Variants in ANKHD1 observed in about 807,000 individuals in gnomAD.
The protein encoded by ANKHD1 is ankyrin repeat and KH domain containing 1.
A neutral mutation model predicts 230.5 loss-of-function variants in ANKHD1; 31 were observed. That is an observed-to-expected ratio of 0.13 (90% CI 0.10 to 0.18). The LOEUF (loss-of-function observed/expected upper bound fraction) is 0.18, where lower values mean the gene tolerates loss of function less well. Among genes scored for constraint, ANKHD1 ranks in the 10% least tolerant of loss-of-function variants. The pLI is 1.00. For synonymous variants in ANKHD1, 1,074 were observed against 1,117.6 expected (o/e 0.96, Z 0.78); for missense variants, 2,256 against 3,071.3 (o/e 0.73, Z 6.27).
At chr5:140,482,478 GTA>G in intron 10 of ANKHD1, 100 bp from the exon 11 acceptor site, 1 of 1,298,590 alleles carries the variant, frequency 7.7e-7, no homozygotes, top group Non-Finnish European at 1.1e-6. Flanking sequence ...CAATGAGTAA[GTA>G]TATTAAATCC....
chr5:140,431,451 A>G (rs966817102), intron 1 of ANKHD1, among the ~76,000 whole-genome samples: 1 of 152,234 alleles, frequency 6.6e-6, no homozygotes, highest in African/African-American at 2.4e-5. Context: ...ACAGGACAAA[A>G]GAATTGTAAT....
At chr5:140,472,508 T>C (rs1324287252) in intron 10 of ANKHD1, 1 of 1,232,084 alleles carries the variant, frequency 8.1e-7, no homozygotes, top group Non-Finnish European at 1.0e-6. Context: ...TTCTCAGTGA[T>C]ATTCCTAAAA....
intron 16 of ANKHD1, 51 bp downstream of exon 16, chr5:140,505,017 G>C: frequency 6.2e-7 from 1 of 1,607,442 alleles, no homozygotes; most frequent in Non-Finnish European, 8.5e-7. Flanking sequence ...GATCTTCTTT[G>C]GAAAGGAAAA....
intron 31 of ANKHD1, 155 bp downstream of exon 31, chr5:140,537,744 AG>A: frequency 8.0e-7 from 1 of 1,246,434 alleles, no homozygotes; most frequent in Non-Finnish European, 1.1e-6. Flanking sequence ...TGAGGAGTTC[AG>A]TCCAATTTCA....
intron 1 of ANKHD1, among the ~76,000 whole-genome samples, chr5:140,403,710 C>G (rs778386809): frequency 6.6e-6 from 1 of 152,168 alleles, no homozygotes; most frequent in Non-Finnish European, 1.5e-5. Flanking sequence ...GCGTAGAGTA[C>G]TGTACCGTGA....
chr5:140,505,285 T>A, intron 17 of ANKHD1, 52 bp downstream of exon 17: 1 of 1,573,694 alleles, frequency 6.4e-7, no homozygotes. Context: ...AGAAAATAAT[T>A]AACTTTTTTA....
chr5:140,412,358 A>G (rs1230456587), intron 1 of ANKHD1, among the ~76,000 whole-genome samples: 40 of 152,016 alleles, frequency 2.6e-4, no homozygotes, highest in Admixed American at 2.6e-3. Context: ...AGGTCTCATT[A>G]TGTTGTCCAG....
At chr5:140,532,170 G>A (rs1377525461) in intron 29 of ANKHD1, among the ~76,000 whole-genome samples, 3 of 148,676 alleles carry the variant, frequency 2.0e-5, no homozygotes. Flanking sequence ...TCGCGCCACT[G>A]CACTCCAGCC....
chr5:140,534,224 C>T (rs1312796454), intron 29 of ANKHD1, among the ~76,000 whole-genome samples: 1 of 151,998 alleles, frequency 6.6e-6, no homozygotes, highest in African/African-American at 2.4e-5. Flanking sequence ...AACCCCGTTT[C>T]TACTAAAAAT....
chr5:140,485,777 C>T lies in ANKHD1; in HGVS notation c.2142+45C>T. On this transcript the variant is annotated intron_variant, in intron 13 of 33. Transcript: ENST00000360839. This position sits in a 1 kb window ranked among gnomAD's most constrained non-coding sequence, Gnocchi z 4.8. ...GTTTGTTAATATAAATATTCTTCAACATGATTAGAAGTTTTTGTTTAAAAT... is the reference window on the plus strand; with the variant it reads ...GTTTGTTAATATAAATATTCTTCAATATGATTAGAAGTTTTTGTTTAAAAT... The T allele has an allele frequency of 6.2e-7, 1 of 1,601,280 alleles. No individual in the cohort carries two copies. The highest frequency in any genetic ancestry group is 1.1e-5 in the South Asian group (1 of 87,584).
chr5:140,528,777 G>C lies in ANKHD1; in HGVS notation c.5831G>C (p.Ser1944Thr). 6.2e-7 allele frequency: 1 copy of C among 1,614,144 alleles called. No individual in the cohort carries two copies. The change falls in exon 29 of 34, where the codon AGT becomes ACT. Residue 1944 changes from serine (S) to threonine (T), a missense_variant. Ser to Thr is a moderately conservative substitution (Grantham distance 58, BLOSUM62 1). Around this residue, in one of 13 missense-constraint regions of ANKHD1, gnomAD observed 778 missense variants for 966.5 expected, o/e 0.80. Transcript: ENST00000360839. Reference sequence around the variant, plus strand: ...ACTGTCTCTTCTGTAGTTGCTGCCAGTCAGCAACTGTGTGTCACTAATACC... The same window carrying C: ...ACTGTCTCTTCTGTAGTTGCTGCCACTCAGCAACTGTGTGTCACTAATACC... ...PITVSSVVAA[S>T]QQLCVTNTRT... is the part of the protein sequence containing the mutation.
intron 32 of ANKHD1, 102 bp downstream of exon 32, chr5:140,538,363 G>A: frequency 6.6e-7 from 1 of 1,522,440 alleles, no homozygotes; most frequent in Non-Finnish European, 8.8e-7. Context: ...TTTTGTTTCT[G>A]TGGCTTTGCT....
chr5:140,451,276 A>G (rs959922694), intron 7 of ANKHD1, among the ~76,000 whole-genome samples: 1 of 152,252 alleles, frequency 6.6e-6, no homozygotes, highest in Non-Finnish European at 1.5e-5. Flanking sequence ...GTTGACATTT[A>G]TAAATCCTTA....
In ANKHD1 at chr5:140,526,147, C is replaced by T. The variant is rs1196645773; in HGVS notation, c.4644C>T (p.Asn1548=). ...GCACCAATCGGAAAAATAAGAAGAA[C>T]AAAACAAAAGAAACCCCTCCTACAG... ...TPSTNRKNKK[N]KTKETPPTAH... The change falls in exon 26 of 34, where the codon AAC becomes AAT. Residue 1548 remains asparagine, a synonymous_variant. Transcript: ENST00000360839. The T allele has an allele frequency of 6.2e-7, 1 of 1,613,550 alleles. No individual in the cohort carries two copies. The highest frequency in any genetic ancestry group is 8.5e-7 in the Non-Finnish European group (1 of 1,179,914).
Position 140,507,879 on chromosome 5 carries a change from A to G in ANKHD1, c.3646A>G (p.Ile1216Val). 1.2e-6 allele frequency: 2 copies of G among 1,614,188 alleles called. No individual in the cohort carries two copies. The highest frequency in any genetic ancestry group is 1.7e-6 in the Non-Finnish European group (2 of 1,180,036). ...ATTGCTGCTCGATATGGGTTCAGAC[A>G]TTAATGCCCAAATAGAGACCAATCG... ...VKLLLDMGSDINAQIETNRNT... is the reference protein window; with the variant it reads ...VKLLLDMGSDVNAQIETNRNT... Residue 1216 changes from isoleucine (I) to valine (V), a missense_variant, in exon 20 of 34, where the codon ATT becomes GTT. This residue lies in a region of ANKHD1 where 195 missense variants were observed against 340.3 expected (regional missense o/e 0.57). Transcript: ENST00000360839. The surrounding 1 kb of genome is among the most constrained non-coding windows in gnomAD (Gnocchi z 4.1).
At chr5:140,509,207 G>A (rs1752660633) in intron 20 of ANKHD1, among the ~76,000 whole-genome samples, 1 of 152,142 alleles carries the variant, frequency 6.6e-6, no homozygotes, top group Non-Finnish European at 1.5e-5. Context: ...AGAGAAATCT[G>A]TGTTATTTTG....
chr5:140,430,949 G>A (rs1450833024), intron 1 of ANKHD1, among the ~76,000 whole-genome samples: 1 of 152,128 alleles, frequency 6.6e-6, no homozygotes, highest in African/African-American at 2.4e-5. Context: ...ACAAGCATGG[G>A]CCACATGTAC....
intron 14 of ANKHD1, among the ~76,000 whole-genome samples, chr5:140,493,050 A>G (rs555178661): frequency 1.3e-5 from 2 of 152,286 alleles, no homozygotes; most frequent in South Asian, 4.1e-4. Context: ...AAAAGATGAA[A>G]TGGCGACTTT....
Position 140,459,256 on chromosome 5 carries a change from A to G in ANKHD1, c.1573A>G (p.Ile525Val). Residue 525 changes from isoleucine (I) to valine (V), a missense_variant, in exon 9 of 34, where the codon ATT becomes GTT. By Grantham distance (29) the Ile-to-Val change is conservative. This residue lies in a region of ANKHD1 where 179 missense variants were observed against 261.8 expected (regional missense o/e 0.68). Coordinates refer to ENST00000360839, the MANE Select transcript of ANKHD1 (RefSeq NM_017747.3). ...GGFSEVADFL[I>V]KAGADIELGC... ...ATTTTCTGAAGTTGCAGACTTTCTT[A>G]TTAAGGCAGGGGCTGATATAGAACT... 1 of 1,603,286 alleles carries G rather than the reference A, an allele frequency of 6.2e-7. No individual in the cohort carries two copies. Among genetic ancestry groups the G allele is most frequent in the Non-Finnish European group, 8.5e-7 (1 of 1,172,478 alleles).
Sources: gnomAD v4.1 joint callset for allele counts (sites outside exome capture counted in the v4.1 genomes callset) on GRCh38, gnomAD v4.1.1 for gene constraint, gnomAD v4.1.1 regional missense constraint, Gnocchi (gnomAD v3.1) non-coding constraint, MANE v1.5 for transcripts, NCBI Gene and HGNC (gene_info 2026-07-23, HGNC 2026-07-21) for gene names.